The following PDS5A variants were observed in gnomAD, a reference collection of about 807,000 sequenced individuals.
The protein encoded by PDS5A is PDS5 cohesin associated factor A.
Under a neutral mutation model 167.1 loss-of-function variants are expected in PDS5A, and 42 were observed. That is an observed-to-expected ratio of 0.25 (90% CI 0.20 to 0.33). The LOEUF is 0.33. PDS5A is among the 10% of genes least tolerant of loss of function. The pLI is 1.00. For missense variants in PDS5A, 1,033 were observed against 1,605.9 expected (o/e 0.64, Z 6.10); for synonymous variants, 553 against 554.6 (o/e 1.00, Z 0.04).
At chr4:39,895,915 G>A (rs1210149896) in intron 16 of PDS5A, among the ~76,000 whole-genome samples, 5 of 151,168 alleles carry the variant, frequency 3.3e-5, no homozygotes, top group Non-Finnish European at 7.4e-5. Flanking sequence ...TAGTAGAGAC[G>A]GGGTCTCACC....
Position 39,971,433 on chromosome 4 carries a change from G to C in PDS5A, c.138+5007C>G, listed in dbSNP as rs11733034. Among the ~76,000 whole-genome samples, 1,077 of 151,482 alleles carry C rather than the reference G, an allele frequency of 7.1e-3. 4 individuals carry two copies. Among genetic ancestry groups the C allele is most frequent in the Non-Finnish European group, 9.7e-3 (661 of 67,864 alleles). On this transcript the variant is annotated intron_variant, in intron 2 of 32. Transcript: ENST00000303538. ...GGCCTCCCAAAGTGCTGAGATTACA[G>C]GCGTGAGCCACCGCACCGGGCCTGC...
intron 13 of PDS5A, among the ~76,000 whole-genome samples, chr4:39,902,054 G>T (rs943589353): frequency 1.3e-5 from 2 of 152,148 alleles, no homozygotes; most frequent in Non-Finnish European, 1.5e-5. Context: ...TTAATATTTA[G>T]TCTGGAAGGA....
At chr4:39,901,261 T>C (rs1056447238) in intron 13 of PDS5A, among the ~76,000 whole-genome samples, 1 of 134,530 alleles carries the variant, frequency 7.4e-6, no homozygotes, top group Non-Finnish European at 1.6e-5. Flanking sequence ...TTTTTTCTTT[T>C]CTTTCTTTTT....
chr4:39,841,745 C>G lies in PDS5A; in HGVS notation c.3657+203G>C, dbSNP rs555438184. Among the ~76,000 whole-genome samples the G allele has an allele frequency of 8.5e-5, 13 of 152,148 alleles. 1 individual carries two copies. In the East Asian group the frequency reaches 2.3e-3, roughly 27 times the overall value. On this transcript the variant is annotated intron_variant, in intron 31 of 32. Coordinates refer to ENST00000303538, the MANE Select transcript of PDS5A (RefSeq NM_001100399.2). Reference sequence around the variant, plus strand: ...TGTGCCCAGCCAGACCACATAAATTCTTATAAAGTGGGTGGAGGTAAGCAG... The same window carrying G: ...TGTGCCCAGCCAGACCACATAAATTGTTATAAAGTGGGTGGAGGTAAGCAG...
chr4:39,931,307 G>C (rs1199269666), intron 2 of PDS5A, among the ~76,000 whole-genome samples: 1 of 151,818 alleles, frequency 6.6e-6, no homozygotes, highest in South Asian at 2.1e-4. Flanking sequence ...ATGGTGCCCA[G>C]GCTAAAAAAA....
At chr4:39,973,497 T>A (rs551038911) in intron 2 of PDS5A, 2 of 1,331,870 alleles carry the variant, frequency 1.5e-6, no homozygotes, top group East Asian at 2.3e-5. Context: ...ATAGTATTGA[T>A]GATGAACGTC....
At chr4:39,898,052 C>A (rs1190903827) in intron 16 of PDS5A, 1 of 1,008,460 alleles carries the variant, frequency 9.9e-7, no homozygotes, top group African/African-American at 1.7e-5. Context: ...ACGATTATTT[C>A]CATTCTAATA....
chr4:39,915,041 A>AT (rs5857705), intron 8 of PDS5A, among the ~76,000 whole-genome samples: 201 of 149,322 alleles, frequency 1.3e-3, no homozygotes, highest in African/African-American at 4.3e-3. Context: ...GACAAAAATG[A>AT]TTTTTTTTTT....
chr4:39,913,829 T>C (rs1018258838), intron 8 of PDS5A, 103 bp from the exon 9 acceptor site: 3 of 713,156 alleles, frequency 4.2e-6, no homozygotes, highest in African/African-American at 1.8e-5. Context: ...TTTCTGCTTA[T>C]AACTGTGAGA....
chr4:39,867,710 ACT>A (rs886816311), intron 22 of PDS5A, among the ~76,000 whole-genome samples: 9 of 148,640 alleles, frequency 6.1e-5, no homozygotes, highest in African/African-American at 1.0e-4. Context: ...ACAGAGCAAA[ACT>A]CTGTTTCATA....
At chr4:39,912,548 C>T (rs1015039072) in intron 9 of PDS5A, among the ~76,000 whole-genome samples, 1 of 152,164 alleles carries the variant, frequency 6.6e-6, no homozygotes, top group African/African-American at 2.4e-5. Context: ...AGCAGTAGGC[C>T]TTGTCAGCGA....
intron 16 of PDS5A, among the ~76,000 whole-genome samples, chr4:39,896,002 G>C (rs1722376813): frequency 6.7e-6 from 1 of 150,312 alleles, no homozygotes; most frequent in African/African-American, 2.4e-5. Flanking sequence ...GGGATTACAG[G>C]TGTGAGCCAC....
chr4:39,854,128 T>A (rs1578610297), intron 26 of PDS5A, among the ~76,000 whole-genome samples: 2 of 151,678 alleles, frequency 1.3e-5, no homozygotes. Context: ...ATGGCGAAAC[T>A]CCATCTCTTA....
rs754728676 is a variant in PDS5A, at chr4:39,877,167, T to C, written c.1993-14A>G. ...AAAAGACAGAACCTGAAAAAACAGA[T>C]ACAGCTTTAGAAGTACAGACAATGG... On this transcript the variant is annotated splice_polypyrimidine_tract_variant and intron_variant, in intron 18 of 32. Transcript: ENST00000303538. 5.3e-6 allele frequency: 8 copies of C among 1,517,096 alleles called. No homozygotes were observed. The highest frequency in any genetic ancestry group is 4.2e-5 in the African/African-American group (3 of 71,088). 94.0% of individuals were successfully genotyped at this position (1,517,096 alleles called of 1,614,324 possible).
Position 39,825,335 on chromosome 4 carries a change from A to G in PDS5A, c.*150T>C. On this transcript the variant is annotated 3_prime_UTR_variant, in exon 33 of 33. Coordinates refer to ENST00000303538, the MANE Select transcript of PDS5A (RefSeq NM_001100399.2). Reference sequence around the variant, plus strand: ...AGGACTTGTGGTCATGTGAAAAGGAAGTAATAGTCTCTTTAGTTTTCAAGG... The same window carrying G: ...AGGACTTGTGGTCATGTGAAAAGGAGGTAATAGTCTCTTTAGTTTTCAAGG... 1.9e-6 allele frequency: 1 copy of G among 534,986 alleles called. No individual in the cohort carries two copies. The highest frequency in any genetic ancestry group is 3.2e-5 in the East Asian group (1 of 31,600). 33.1% of individuals were successfully genotyped at this position (534,986 alleles called of 1,614,324 possible). A position where few individuals can be genotyped will look rare whatever the true frequency, so the allele number is the denominator to read the frequency against.
intron 2 of PDS5A, among the ~76,000 whole-genome samples, chr4:39,970,085 C>T (rs1057292086): frequency 1.3e-5 from 2 of 151,646 alleles, no homozygotes; most frequent in Non-Finnish European, 1.5e-5. Flanking sequence ...CTCTTGACCT[C>T]GTGATCCACC....
chr4:39,949,767 A>G (rs978179501), intron 2 of PDS5A, among the ~76,000 whole-genome samples: 4 of 132,274 alleles, frequency 3.0e-5, no homozygotes, highest in Non-Finnish European at 4.7e-5. Flanking sequence ...CCAGGGCTGC[A>G]GTGCATTGCA....
intron 12 of PDS5A, 116 bp downstream of exon 12, chr4:39,903,924 A>G (rs1479071308): frequency 1.1e-5 from 6 of 532,954 alleles, no homozygotes; most frequent in Non-Finnish European, 1.5e-5. Flanking sequence ...GAATAAACTT[A>G]ATTTTATTTA....
intron 26 of PDS5A, among the ~76,000 whole-genome samples, chr4:39,852,685 G>T (rs1718218964): frequency 6.6e-6 from 1 of 152,030 alleles, no homozygotes; most frequent in Non-Finnish European, 1.5e-5. Flanking sequence ...ATTCTTCCAG[G>T]TTTATGTAAA....
Sources: allele counts gnomAD v4.1 joint callset (sites outside exome capture counted in the v4.1 genomes callset), GRCh38; gene constraint gnomAD v4.1.1; transcripts MANE v1.5; gene names NCBI Gene and HGNC (gene_info 2026-07-23, HGNC 2026-07-21).